The following PBRM1 variants were observed in gnomAD, a reference collection of about 807,000 sequenced individuals.
The protein encoded by PBRM1 is protein polybromo-1.
A neutral mutation model predicts 194.5 loss-of-function variants in PBRM1; 27 were observed. That is an observed-to-expected ratio of 0.14 (90% CI 0.10 to 0.19). The LOEUF (loss-of-function observed/expected upper bound fraction) is 0.19. Among genes scored for constraint, PBRM1 ranks in the 10% least tolerant of loss-of-function variants. The pLI is 1.00. For missense variants in PBRM1, 1,466 were observed against 2,077.2 expected (o/e 0.71, Z 5.72); for synonymous variants, 655 against 693.2 (o/e 0.94, Z 0.87).
chr3:52,654,425 T>TA (rs2096569299), intron 5 of PBRM1, among the ~76,000 whole-genome samples: 1 of 152,170 alleles, frequency 6.6e-6, no homozygotes, highest in Non-Finnish European at 1.5e-5. Context: ...GAGTACAAAG[T>TA]AATTCAAAGT....
chr3:52,632,423 T>C (rs2095647904), intron 11 of PBRM1, among the ~76,000 whole-genome samples: 1 of 151,970 alleles, frequency 6.6e-6, no homozygotes, highest in South Asian at 2.1e-4. Context: ...TACAAAAACA[T>C]TTAAAAAAAT....
intron 17 of PBRM1, among the ~76,000 whole-genome samples, chr3:52,593,109 T>C (rs372635746): frequency 2.0e-5 from 3 of 152,304 alleles, no homozygotes; most frequent in African/African-American, 7.2e-5. Context: ...ACTCCTAGAT[T>C]TGTTAATCTT....
At chr3:52,605,624 T>TG (rs1265713281) in intron 16 of PBRM1, among the ~76,000 whole-genome samples, 4 of 148,606 alleles carry the variant, frequency 2.7e-5, no homozygotes, top group Non-Finnish European at 6.0e-5. Context: ...TTTTTTGAGA[T>TG]GGAGTTTCGT....
intron 22 of PBRM1, among the ~76,000 whole-genome samples, chr3:52,567,673 ATTTTC>A (rs201178685): frequency 0.04 from 5,979 of 151,108 alleles, 395 homozygotes; most frequent in African/African-American, 0.13. Flanking sequence ...GGTTGGGTAT[ATTTTC>A]TTTTCTTTTC....
intron 18 of PBRM1, 96 bp downstream of exon 20, chr3:52,588,974 T>G: frequency 1.2e-6 from 1 of 808,698 alleles, no homozygotes; most frequent in South Asian, 1.6e-5. Flanking sequence ...TGGAAAGGCT[T>G]AAGATGTCTG....
At chr3:52,574,975 A>C (rs1365975908) in intron 22 of PBRM1, among the ~76,000 whole-genome samples, 1 of 152,076 alleles carries the variant, frequency 6.6e-6, no homozygotes, top group African/African-American at 2.4e-5. Context: ...ATCATGGCTC[A>C]CTGCAGCCTC....
rs373720588 is a variant in PBRM1 at position 52,632,815 on chromosome 3, G to A, written c.1301+1787C>T. On this transcript the variant is annotated intron_variant, in intron 11 of 29. Transcript: ENST00000296302. ...TTCAAGCAATTCTCCTACCTCAGCCGCCCGAGTAGCTAGGATTACTGGCTC... is the reference window on the plus strand; with the variant it reads ...TTCAAGCAATTCTCCTACCTCAGCCACCCGAGTAGCTAGGATTACTGGCTC... Among the ~76,000 whole-genome samples the A allele has an allele frequency of 2.8e-4, 42 of 151,162 alleles. No homozygotes were observed. The East Asian group carries it at 5.1e-3, about 18-fold the overall frequency.
chr3:52,629,472 T>G (rs1486332575), intron 11 of PBRM1, among the ~76,000 whole-genome samples: 1 of 152,176 alleles, frequency 6.6e-6, no homozygotes, highest in Admixed American at 6.5e-5. Flanking sequence ...GCCATTCTAG[T>G]TCATAAGGGT....
upstream of PBRM1, among the ~76,000 whole-genome samples, chr3:52,680,460 ACATACT>A (rs1208511927): frequency 6.6e-6 from 1 of 152,212 alleles, no homozygotes; most frequent in Admixed American, 6.5e-5. Flanking sequence ...TAGTGATATG[ACATACT>A]CTAACTATAA....
intron 21 of PBRM1, among the ~76,000 whole-genome samples, chr3:52,577,849 CTATTAAGAT>C: frequency 6.6e-6 from 1 of 152,150 alleles, no homozygotes; most frequent in Non-Finnish European, 1.5e-5. Flanking sequence ...CAGAGCAATC[CTATTAAGAT>C]CTAAACCAAA....
At chr3:52,599,548 A>T (rs1183269590) in intron 17 of PBRM1, among the ~76,000 whole-genome samples, 1 of 151,920 alleles carries the variant, frequency 6.6e-6, no homozygotes, top group East Asian at 1.9e-4. Context: ...GTGGTGGCTC[A>T]TGCCTGTAAT....
chr3:52,615,058 T>C (rs1406409471), intron 15 of PBRM1, among the ~76,000 whole-genome samples: 2 of 152,192 alleles, frequency 1.3e-5, no homozygotes, highest in Non-Finnish European at 2.9e-5. Flanking sequence ...ACTATATTCT[T>C]ACAGCATTAT....
intron 24 of PBRM1, among the ~76,000 whole-genome samples, 189 bp from the exon 27 acceptor site, chr3:52,562,157 TAA>T (rs11295229): frequency 4.7e-5 from 7 of 148,312 alleles, no homozygotes; most frequent in Admixed American, 6.7e-5. Context: ...CCGTTTCTAC[TAA>T]AAAAAAAAAT....
chr3:52,637,092 C>T (rs1395018009), intron 10 of PBRM1, among the ~76,000 whole-genome samples: 1 of 152,090 alleles, frequency 6.6e-6, no homozygotes, highest in Non-Finnish European at 1.5e-5. Context: ...TCTTTTCTGA[C>T]TCTAATACCT....
rs2093926252 is a variant in PBRM1 at position 52,600,646 on chromosome 3, T to A, written c.2779+2875A>T. 3.3e-5 allele frequency among the ~76,000 whole-genome samples: 5 copies of A among 152,196 alleles called. No individual in the cohort carries two copies. The South Asian group carries it at 1.0e-3, about 31-fold the overall frequency. On this transcript the variant is annotated intron_variant, in intron 17 of 29. Transcript: ENST00000296302. ...AATTATTTTCCTGGAATCTGATAAATTACTTTGTTTTTGAGACGGAGTCTT... is the reference window on the plus strand; with the variant it reads ...AATTATTTTCCTGGAATCTGATAAAATACTTTGTTTTTGAGACGGAGTCTT...
intron 13 of PBRM1, among the ~76,000 whole-genome samples, chr3:52,619,639 A>G (rs1263301833): frequency 1.3e-5 from 2 of 152,136 alleles, no homozygotes; most frequent in African/African-American, 2.4e-5. Flanking sequence ...CCTCAGGCAA[A>G]CTATATGTGG....
chr3:52,624,571 T>A (rs2095383477), intron 13 of PBRM1, among the ~76,000 whole-genome samples: 1 of 152,194 alleles, frequency 6.6e-6, no homozygotes, highest in Admixed American at 6.5e-5. Flanking sequence ...TGAAAGGGAA[T>A]CAGCACCTGC....
chr3:52,642,972 T>C (rs909358856), intron 9 of PBRM1, among the ~76,000 whole-genome samples: 9 of 151,936 alleles, frequency 5.9e-5, no homozygotes, highest in Admixed American at 5.9e-4. Context: ...GTTTTTAGTA[T>C]AGATGGAGTT....
At chr3:52,668,783 T>TAAAAAAAAAAAA (rs143631943) in intron 2 of PBRM1, 138 bp from the exon 4 acceptor site, 2 of 204,926 alleles carry the variant, frequency 9.8e-6, no homozygotes, top group East Asian at 7.7e-5. Flanking sequence ...GAAGCTTACT[T>TAAAAAAAAAAAA]AAAAAAAAAA....
Sources: gnomAD v4.1 joint callset for allele counts (sites outside exome capture counted in the v4.1 genomes callset) on GRCh38, gnomAD v4.1.1 for gene constraint, MANE v1.5 for transcripts, NCBI Gene and HGNC (gene_info 2026-07-23, HGNC 2026-07-21) for gene names.